TMEM131: variants seen among roughly 807,000 people sequenced by gnomAD.
TMEM131 encodes the protein 2610524E03Rik.
A neutral mutation model predicts 211.6 loss-of-function variants in TMEM131; 66 were observed. The observed-to-expected ratio is 0.31, with a 90% CI of 0.26 to 0.38. The LOEUF is 0.38. TMEM131 is among the 10% of genes least tolerant of loss of function. The probability of loss-of-function intolerance (pLI) is 1.00; values close to 1 mark genes in which losing one functional copy is unlikely to be tolerated. For synonymous variants in TMEM131, 844 were observed against 841.3 expected (o/e 1.00, Z -0.06); for missense variants, 2,036 against 2,299.3 (o/e 0.89, Z 2.34).
chr2:97,877,021 A>G (rs1261796505), intron 4 of TMEM131, among the ~76,000 whole-genome samples: 1 of 152,240 alleles, frequency 6.6e-6, no homozygotes, highest in Non-Finnish European at 1.5e-5. Flanking sequence ...AGGATACAAA[A>G]TCAATGTGCA....
intron 2 of TMEM131, 65 bp from the exon 3 acceptor site, chr2:97,908,763 AAT>A (rs1284645808): frequency 2.3e-6 from 3 of 1,303,670 alleles, no homozygotes; most frequent in Non-Finnish European, 3.2e-6. Context: ...AGACATATGG[AAT>A]ATCCAAAATA....
At chr2:97,840,390 C>T (rs1303123096) in intron 7 of TMEM131, among the ~76,000 whole-genome samples, 1 of 152,188 alleles carries the variant, frequency 6.6e-6, no homozygotes, top group Non-Finnish European at 1.5e-5. Flanking sequence ...CTGTTAACAG[C>T]CCTTCTACGG....
intron 31 of TMEM131, among the ~76,000 whole-genome samples, chr2:97,781,856 A>ATC (rs1185690505): frequency 3.3e-5 from 5 of 152,224 alleles, no homozygotes; most frequent in Non-Finnish European, 5.9e-5. Flanking sequence ...AAAGCCAGCT[A>ATC]TCTCTTGCCA....
chr2:97,850,369 G>A (rs531994859), intron 5 of TMEM131, among the ~76,000 whole-genome samples: 2 of 152,216 alleles, frequency 1.3e-5, no homozygotes, highest in Admixed American at 1.3e-4. Flanking sequence ...CTTATTCTTA[G>A]AATTTGCGCT....
At chr2:97,886,328 C>CT (rs1291094791) in intron 4 of TMEM131, among the ~76,000 whole-genome samples, 1 of 152,130 alleles carries the variant, frequency 6.6e-6, no homozygotes, top group Non-Finnish European at 1.5e-5. Flanking sequence ...TGTTTCCTTG[C>CT]TTTTTTGTGT....
Position 97,814,320 on chromosome 2 carries a change from C to T in TMEM131, c.1361G>A (p.Arg454Lys), listed in dbSNP as rs779911712. 8 of 1,613,716 alleles carry T rather than the reference C, an allele frequency of 5.0e-6. No homozygotes were observed. The South Asian group carries it at 8.8e-5, about 18-fold the overall frequency. Residue 454 changes from arginine to lysine, a missense_variant, in exon 14 of 41, where the codon AGG (arginine) becomes AAG (lysine). Transcript: ENST00000186436. ...GAAAGTGTTAGTAAGGTAAATTGGC[C>T]TTTCCACAGGATCAGCAGGGCTGTC... is the stretch of plus-strand genomic sequence containing the variant. ...IRDSPADPVE[R>K]PIYLTNTFSF...
At chr2:97,801,649 C>T (rs1054068561) in intron 25 of TMEM131, among the ~76,000 whole-genome samples, 2 of 152,068 alleles carry the variant, frequency 1.3e-5, no homozygotes, top group African/African-American at 4.8e-5. Flanking sequence ...TATTACAAAC[C>T]TTCATGGGCT....
chr2:97,945,700 A>G (rs889619741), intron 1 of TMEM131, among the ~76,000 whole-genome samples: 1 of 152,164 alleles, frequency 6.6e-6, no homozygotes, highest in African/African-American at 2.4e-5. Context: ...CAAACTGTCA[A>G]CAGCAGGTGA....
intron 31 of TMEM131, among the ~76,000 whole-genome samples, chr2:97,786,851 T>C (rs1375070206): frequency 6.6e-6 from 1 of 152,260 alleles, no homozygotes; most frequent in Non-Finnish European, 1.5e-5. Context: ...ATATCCGTTC[T>C]ACTATTCGAT....
chr2:97,954,763 G>A lies in TMEM131; in HGVS notation c.188-27276C>T, dbSNP rs370613801. Among the ~76,000 whole-genome samples the A allele has an allele frequency of 9.7e-5, 14 of 143,882 alleles. No homozygotes were observed. The East Asian group carries it at 1.0e-3, about 10-fold the overall frequency. 94.4% of individuals were successfully genotyped at this position (143,882 alleles called of 152,430 possible). A position where few individuals can be genotyped will look rare whatever the true frequency, so the allele number is the denominator to read the frequency against. On this transcript the variant is annotated intron_variant, in intron 1 of 40. Transcript: ENST00000186436. ...AGAGGTTGCAGTCAGCTGAGATCACGGCATTGCACTTCAGCCTGGGAGACA... is the reference window on the plus strand; with the variant it reads ...AGAGGTTGCAGTCAGCTGAGATCACAGCATTGCACTTCAGCCTGGGAGACA...
chr2:97,878,108 A>G (rs894650343), intron 4 of TMEM131, among the ~76,000 whole-genome samples: 3 of 152,252 alleles, frequency 2.0e-5, no homozygotes, highest in African/African-American at 7.2e-5. Flanking sequence ...AATGCTCATC[A>G]TCACTGGTCA....
Position 97,760,881 on chromosome 2 carries a change from T to C in TMEM131, c.4923A>G (p.Lys1641=). The C allele has an allele frequency of 1.2e-6, 2 of 1,613,988 alleles. No individual in the cohort carries two copies. Among genetic ancestry groups the C allele is most frequent in the Non-Finnish European group, 1.7e-6 (2 of 1,179,888 alleles). Residue 1641 remains lysine, a synonymous_variant, in exon 37 of 41, where the codon AAA becomes AAG. Coordinates refer to ENST00000186436, the MANE Select transcript of TMEM131 (RefSeq NM_015348.2). ...GCGAGGCTGCCTTTGTCAACTTGTG[T>C]TTGCTTCCATTTGGCTGTTTTATTT... ...DPKIKQPNGS[K]HKLTKAASLP...
At chr2:97,981,460 A>C (rs898847934) in intron 1 of TMEM131, among the ~76,000 whole-genome samples, 1 of 152,208 alleles carries the variant, frequency 6.6e-6, no homozygotes, top group African/African-American at 2.4e-5. Context: ...AAGGTGTGAG[A>C]ACACGTGCTT....
At chr2:97,762,273 T>C in intron 35 of TMEM131, 73 bp from the exon 36 acceptor site, 4 of 1,461,410 alleles carry the variant, frequency 2.7e-6, no homozygotes, top group Non-Finnish European at 3.8e-6. Context: ...CTTTGAATGT[T>C]CTCTAAGACT....
At chr2:97,912,902 G>A (rs1057281816) in intron 2 of TMEM131, among the ~76,000 whole-genome samples, 1 of 152,088 alleles carries the variant, frequency 6.6e-6, no homozygotes, top group Non-Finnish European at 1.5e-5. Context: ...ACCAGCCTCG[G>A]CAAAAATATA....
intron 33 of TMEM131, among the ~76,000 whole-genome samples, chr2:97,768,259 A>G (rs1443954891): frequency 2.6e-5 from 4 of 152,222 alleles, no homozygotes; most frequent in African/African-American, 4.8e-5. Context: ...ATGCTACATT[A>G]TAAAATCTTT....
At chr2:97,975,196 C>T in intron 1 of TMEM131, among the ~76,000 whole-genome samples, 1 of 151,346 alleles carries the variant, frequency 6.6e-6, no homozygotes, top group East Asian at 1.9e-4. Flanking sequence ...CAGTATCCAC[C>T]TTAAGAAACT....
chr2:97,917,728 T>G (rs901584345), intron 2 of TMEM131, among the ~76,000 whole-genome samples: 6 of 152,210 alleles, frequency 3.9e-5, no homozygotes, highest in African/African-American at 9.6e-5. Flanking sequence ...TCATGAGAAC[T>G]CACAATCACA....
chr2:97,802,386 A>G, intron 24 of TMEM131, 42 bp downstream of exon 24: 1 of 1,385,918 alleles, frequency 7.2e-7, no homozygotes, highest in Non-Finnish European at 1.0e-6. Flanking sequence ...TACTAATTCA[A>G]TACTACATAG....
Sources: allele counts gnomAD v4.1 joint callset (sites outside exome capture counted in the v4.1 genomes callset), GRCh38; gene constraint gnomAD v4.1.1; transcripts MANE v1.5; gene names NCBI Gene and HGNC (gene_info 2026-07-23, HGNC 2026-07-21).